CLMP: variants seen among roughly 807,000 people sequenced by gnomAD.
CLMP encodes CXADR-like membrane protein.
In CLMP, 27 loss-of-function variants were observed where a neutral mutation model predicts 45.2. The ratio of observed to expected loss-of-function variants is 0.60; its 90% CI spans 0.44 to 0.82. The LOEUF is 0.82. CLMP is among the 40% of genes least tolerant of loss of function. The probability of loss-of-function intolerance (pLI) is 0.00; values close to 1 mark genes in which losing one functional copy is unlikely to be tolerated. For missense variants in CLMP, 403 were observed against 448.4 expected (o/e 0.90, Z 0.91); for synonymous variants, 167 against 171.4 (o/e 0.97, Z 0.20).
At chr11:123,106,423 G>GCC (rs1483267289) in intron 1 of CLMP, among the ~76,000 whole-genome samples, 1 of 70,804 alleles carries the variant, frequency 1.4e-5, no homozygotes, top group African/African-American at 5.1e-5. Flanking sequence ...GTGTGTGTGT[G>GCC]TGCGCGCGCG....
At chr11:123,109,059 C>CAAAAAA (rs776811883) in intron 1 of CLMP, among the ~76,000 whole-genome samples, 1 of 64,242 alleles carries the variant, frequency 1.6e-5, no homozygotes, top group Admixed American at 1.7e-4. Flanking sequence ...AACTCTGTCT[C>CAAAAAA]AAAAAAAAAA....
At chr11:123,170,893 G>C (rs1861623938) in intron 1 of CLMP, among the ~76,000 whole-genome samples, 1 of 152,230 alleles carries the variant, frequency 6.6e-6, no homozygotes. Context: ...CGAGGACTCT[G>C]TGCCAGGCAC....
intron 3 of CLMP, 89 bp downstream of exon 3, chr11:123,084,423 A>G: frequency 9.5e-7 from 1 of 1,050,488 alleles, no homozygotes; most frequent in Non-Finnish European, 1.5e-6. Flanking sequence ...ACTGAACATG[A>G]TGTTTTGTAC....
intron 1 of CLMP, among the ~76,000 whole-genome samples, chr11:123,153,663 C>T (rs73612440): frequency 0.063 from 9,571 of 152,082 alleles, 439 homozygotes; most frequent in African/African-American, 0.13. Context: ...GGAGGGATTC[C>T]CTTTTAATGC....
chr11:123,118,240 C>T (rs1211546750), intron 1 of CLMP, among the ~76,000 whole-genome samples: 1 of 152,096 alleles, frequency 6.6e-6, no homozygotes, highest in African/African-American at 2.4e-5. Flanking sequence ...AGCGATTCTC[C>T]TGTCTCAGCC....
intron 1 of CLMP, among the ~76,000 whole-genome samples, chr11:123,108,481 G>A (rs761702530): frequency 4.6e-5 from 7 of 152,112 alleles, no homozygotes; most frequent in Non-Finnish European, 1.0e-4. Flanking sequence ...CAAGGACCCA[G>A]GTGACAGCCT....
At chr11:123,101,295 C>G (rs184160445) in intron 1 of CLMP, among the ~76,000 whole-genome samples, 1 of 152,114 alleles carries the variant, frequency 6.6e-6, no homozygotes, top group Non-Finnish European at 1.5e-5. Flanking sequence ...TTAATAGAGA[C>G]GGGGCTTCAC....
chr11:123,077,463 C>T (rs1443416866), intron 5 of CLMP, among the ~76,000 whole-genome samples: 1 of 152,186 alleles, frequency 6.6e-6, no homozygotes, highest in African/African-American at 2.4e-5. Context: ...TCCTGAGTAG[C>T]TGGGATTACA....
chr11:123,078,829 A>G (rs1201832564), intron 5 of CLMP, among the ~76,000 whole-genome samples: 1 of 152,048 alleles, frequency 6.6e-6, no homozygotes, highest in Non-Finnish European at 1.5e-5. Context: ...TATTTTTAGT[A>G]GAGATGGCGT....
intron 2 of CLMP, among the ~76,000 whole-genome samples, chr11:123,087,678 G>A (rs972636325): frequency 1.3e-5 from 2 of 150,924 alleles, no homozygotes; most frequent in Non-Finnish European, 3.0e-5. Flanking sequence ...AAAATTAGCT[G>A]GGTGTGGTGG....
chr11:123,147,190 T>C (rs1446953354), intron 1 of CLMP, among the ~76,000 whole-genome samples: 1 of 152,218 alleles, frequency 6.6e-6, no homozygotes, highest in Non-Finnish European at 1.5e-5. Flanking sequence ...CTTGGAAATA[T>C]GACTTTGCTT....
chr11:123,139,552 C>G lies in CLMP; in HGVS notation c.29-41600G>C, dbSNP rs577975639. Among the ~76,000 whole-genome samples the G allele has an allele frequency of 1.4e-3, 218 of 152,236 alleles. 4 individuals carry two copies. Among genetic ancestry groups the G allele is most frequent in the African/African-American group, 4.7e-3 (194 of 41,550 alleles). On this transcript the variant is annotated intron_variant, in intron 1 of 6. Transcript: ENST00000448775. Reference sequence around the variant, plus strand: ...TAAAATGGATGGTAGAAGGGTCGGGCGCTGTGGCTCACGCCTGTAATGCCA... The same window carrying G: ...TAAAATGGATGGTAGAAGGGTCGGGGGCTGTGGCTCACGCCTGTAATGCCA...
At chr11:123,168,605 C>T (rs988741419) in intron 1 of CLMP, among the ~76,000 whole-genome samples, 1 of 152,086 alleles carries the variant, frequency 6.6e-6, no homozygotes, top group Admixed American at 6.5e-5. Context: ...ATAGTCAGAA[C>T]CCTCCAAAAC....
In CLMP at chr11:123,157,365, G is replaced by A. The variant is rs561273333; in HGVS notation, c.28+37548C>T. 2.0e-5 allele frequency among the ~76,000 whole-genome samples: 3 copies of A among 152,202 alleles called. No homozygotes were observed. In the South Asian group the frequency reaches 6.2e-4, roughly 32 times the overall value. On this transcript the variant is annotated intron_variant, in intron 1 of 6. Transcript: ENST00000448775. ...AGGTCAGGAATTCGAAATCTGCCTG[G>A]CCAATGTGGAGAAACCCCATCTCTA...
chr11:123,118,678 G>T (rs1224278383), intron 1 of CLMP, among the ~76,000 whole-genome samples: 1 of 152,098 alleles, frequency 6.6e-6, no homozygotes, highest in Non-Finnish European at 1.5e-5. Flanking sequence ...ATTGCAATTT[G>T]GCTCCGACAC....
intron 1 of CLMP, among the ~76,000 whole-genome samples, chr11:123,122,400 T>A (rs745618370): frequency 9.8e-5 from 15 of 152,292 alleles, no homozygotes; most frequent in Middle Eastern, 3.4e-3. Context: ...ACAGTCATCA[T>A]TGGCAGGGTT....
chr11:123,105,799 G>A (rs1445544237), intron 1 of CLMP, among the ~76,000 whole-genome samples: 4 of 149,756 alleles, frequency 2.7e-5, no homozygotes, highest in Non-Finnish European at 1.5e-5. Flanking sequence ...AGGAGGAACT[G>A]TGGTTTTTGT....
chr11:123,133,152 A>C (rs1424571828), intron 1 of CLMP, among the ~76,000 whole-genome samples: 1 of 152,170 alleles, frequency 6.6e-6, no homozygotes, highest in East Asian at 1.9e-4. Context: ...GGAAGTTTGC[A>C]ATGACATCAG....
At chr11:123,179,328 GA>G (rs1373271155) in intron 1 of CLMP, among the ~76,000 whole-genome samples, 1 of 152,166 alleles carries the variant, frequency 6.6e-6, no homozygotes, top group Admixed American at 6.5e-5. Context: ...TTCAGAAAGG[GA>G]TTTCTATTGG....
Sources: allele counts gnomAD v4.1 joint callset (sites outside exome capture counted in the v4.1 genomes callset), GRCh38; gene constraint gnomAD v4.1.1; transcripts MANE v1.5; gene names NCBI Gene and HGNC (gene_info 2026-07-23, HGNC 2026-07-21).